Variants in CAPZB observed in about 807,000 individuals in gnomAD.
CAPZB encodes capping actin protein of muscle Z-line subunit beta.
A neutral mutation model predicts 38.1 loss-of-function variants in CAPZB; 2 were observed. The ratio of observed to expected loss-of-function variants is 0.05; its 90% CI spans 0.02 to 0.17. The LOEUF (loss-of-function observed/expected upper bound fraction) is 0.17. CAPZB is among the 10% of genes least tolerant of loss of function. The pLI is 1.00. For synonymous variants in CAPZB, 107 were observed against 127.4 expected, an observed-to-expected ratio of 0.84 and a Z score of 1.08; for missense variants, 161 against 334.2, an observed-to-expected ratio of 0.48 and a Z score of 4.04.
intron 1 of CAPZB, among the ~76,000 whole-genome samples, chr1:19,425,442 T>G (rs531064670): frequency 6.6e-6 from 1 of 151,508 alleles, no homozygotes; most frequent in Non-Finnish European, 1.5e-5. Flanking sequence ...TCAAAATCAG[T>G]GTGGAAAAAA....
intron 1 of CAPZB, among the ~76,000 whole-genome samples, chr1:19,464,841 C>A (rs1045847499): frequency 6.6e-6 from 1 of 152,088 alleles, no homozygotes; most frequent in Non-Finnish European, 1.5e-5. Context: ...AAGGCAAAAC[C>A]GCGGTGACAA....
intron 4 of CAPZB, among the ~76,000 whole-genome samples, chr1:19,378,313 T>G (rs953194044): frequency 2.6e-5 from 4 of 152,192 alleles, no homozygotes; most frequent in African/African-American, 9.7e-5. Flanking sequence ...CCGAGTCATC[T>G]CATAACCAAC....
At chr1:19,441,706 C>T (rs565286692) in intron 1 of CAPZB, among the ~76,000 whole-genome samples, 4 of 151,466 alleles carry the variant, frequency 2.6e-5, no homozygotes, top group Admixed American at 6.6e-5. Flanking sequence ...CAGCACCAAG[C>T]GGCTCAAAAG....
chr1:19,345,201 C>T lies in CAPZB; in HGVS notation c.640G>A (p.Gly214Arg). The change falls in exon 7 of 9, where the codon GGG (glycine) becomes AGG (arginine). Residue 214 changes from glycine to arginine, a missense_variant. Physicochemically the swap from Gly to Arg is moderately radical, Grantham distance 125. Coordinates refer to ENST00000264202, the MANE Select transcript of CAPZB (RefSeq NM_004930.5). ...AGGTCACTCACCTCTACCAGGCGCC[C>T]GATGTTGGCTATGTGTGGGGAGCAG... ...SDCSPHIANI[G>R]RLVEDMENKI... 1.2e-6 allele frequency: 2 copies of T among 1,613,934 alleles called. No individual in the cohort carries two copies. Among genetic ancestry groups the T allele is most frequent in the Non-Finnish European group, 8.5e-7 (1 of 1,179,858 alleles).
At chr1:19,423,991 T>C (rs2094412122) in intron 1 of CAPZB, among the ~76,000 whole-genome samples, 2 of 152,126 alleles carry the variant, frequency 1.3e-5, no homozygotes, top group South Asian at 2.1e-4. Flanking sequence ...TTTCTATTTT[T>C]TGTAGAGATG....
At chr1:19,426,510 C>T (rs1177043564) in intron 1 of CAPZB, among the ~76,000 whole-genome samples, 2 of 152,110 alleles carry the variant, frequency 1.3e-5, no homozygotes, top group African/African-American at 2.4e-5. Flanking sequence ...TCATCAGAGC[C>T]CAGCACAAAT....
At chr1:19,364,227 G>C (rs77193231) in intron 4 of CAPZB, among the ~76,000 whole-genome samples, 1 of 152,208 alleles carries the variant, frequency 6.6e-6, no homozygotes, top group East Asian at 1.9e-4. Context: ...TAAAATCAAA[G>C]AGCTGGATCA....
chr1:19,386,077 A>G (rs540249714), intron 2 of CAPZB, among the ~76,000 whole-genome samples: 1 of 152,314 alleles, frequency 6.6e-6, no homozygotes, highest in African/African-American at 2.4e-5. Context: ...TGCTGGGTGG[A>G]GTCTCCAGTA....
intron 6 of CAPZB, among the ~76,000 whole-genome samples, chr1:19,346,506 G>C (rs896270105): frequency 4.8e-5 from 7 of 146,420 alleles, no homozygotes; most frequent in African/African-American, 1.5e-4. Context: ...AATGAGACCA[G>C]GCCCACAGAA....
chr1:19,400,063 A>C (rs1177868793), intron 2 of CAPZB, among the ~76,000 whole-genome samples: 1 of 152,124 alleles, frequency 6.6e-6, no homozygotes, highest in Non-Finnish European at 1.5e-5. Context: ...GTTCAAATTT[A>C]AACTCTTAGG....
intron 1 of CAPZB, among the ~76,000 whole-genome samples, chr1:19,469,975 A>G (rs1194186083): frequency 1.3e-5 from 2 of 152,174 alleles, no homozygotes; most frequent in Non-Finnish European, 2.9e-5. Context: ...GTCACATGTT[A>G]ATGGCTGCAT....
At chr1:19,409,127 A>G (rs544718894) in intron 2 of CAPZB, among the ~76,000 whole-genome samples, 3 of 152,240 alleles carry the variant, frequency 2.0e-5, no homozygotes, top group South Asian at 4.1e-4. Flanking sequence ...GTGAGTTGGG[A>G]TAACAGGTTC....
At chr1:19,344,861 G>A (rs2093951992) in intron 7 of CAPZB, among the ~76,000 whole-genome samples, 1 of 152,246 alleles carries the variant, frequency 6.6e-6, no homozygotes, top group African/African-American at 2.4e-5. Flanking sequence ...CCTGGGATCT[G>A]CTTCCTCTCC....
chr1:19,471,865 C>CAAAAAAAAAAA (rs59289947), intron 1 of CAPZB, among the ~76,000 whole-genome samples: 1 of 134,420 alleles, frequency 7.4e-6, no homozygotes, highest in African/African-American at 3.0e-5. Context: ...GACTCCGTCT[C>CAAAAAAAAAAA]AAAAAAAAAA....
intron 1 of CAPZB, among the ~76,000 whole-genome samples, chr1:19,454,039 G>A (rs2100709982): frequency 6.6e-6 from 1 of 152,304 alleles, no homozygotes; most frequent in African/African-American, 2.4e-5. Context: ...GTTGTAGAAG[G>A]CTACAGACTC....
At chr1:19,483,177 C>T (rs1030171530) in intron 1 of CAPZB, among the ~76,000 whole-genome samples, 5 of 152,054 alleles carry the variant, frequency 3.3e-5, no homozygotes, top group African/African-American at 9.7e-5. Flanking sequence ...ATTTCCTATA[C>T]AAAGGATCTA....
At chr1:19,391,244 G>A (rs373385755) in intron 2 of CAPZB, among the ~76,000 whole-genome samples, 1 of 152,038 alleles carries the variant, frequency 6.6e-6, no homozygotes, top group East Asian at 1.9e-4. Context: ...ACCAGAAAAA[G>A]AAACTTGAGA....
chr1:19,366,285 T>A (rs6671259), intron 4 of CAPZB, among the ~76,000 whole-genome samples: 49 of 57,770 alleles, frequency 8.5e-4, no homozygotes, highest in East Asian at 1.6e-3. Flanking sequence ...TGTCTTAAAA[T>A]ATATATATAT....
intron 1 of CAPZB, among the ~76,000 whole-genome samples, chr1:19,439,484 T>G (rs1231038010): frequency 2.6e-5 from 4 of 152,254 alleles, no homozygotes; most frequent in Non-Finnish European, 5.9e-5. Context: ...CTAGGTGTTT[T>G]GACCCCTGCT....
Sources: allele counts gnomAD v4.1 joint callset (sites outside exome capture counted in the v4.1 genomes callset), GRCh38; gene constraint gnomAD v4.1.1; transcripts MANE v1.5; gene names NCBI Gene and HGNC (gene_info 2026-07-23, HGNC 2026-07-21).